The following MYO15B variants were observed in gnomAD, a reference collection of about 807,000 sequenced individuals.
MYO15B encodes myosin XVB pseudogene.
A neutral mutation model predicts 119.3 loss-of-function variants in MYO15B; 207 were observed. The ratio of observed to expected loss-of-function variants is 1.73; its 90% CI spans 1.55 to 1.95. The LOEUF (loss-of-function observed/expected upper bound fraction) is 1.95. Ranked by LOEUF, MYO15B falls within the 30% of genes most tolerant of loss-of-function variation. MYO15B has a pLI of 0.00. For synonymous variants in MYO15B, 966 were observed against 498.9 expected (o/e 1.94, Z -12.48); for missense variants, 2,264 against 1,203.1 (o/e 1.88, Z -13.04).
chr17:75,617,080 C>T lies in MYO15B; in HGVS notation c.6595-5C>T, dbSNP rs1656423458. ...AGCCCGTGTACTTTCTCCGTATCCC[C>T]CCAGATGCTGTCCCCCAGCCCAGGA... On this transcript the variant is annotated splice_polypyrimidine_tract_variant and splice_region_variant and intron_variant, in intron 40 of 63. Coordinates refer to ENST00000645453, the Ensembl canonical transcript of MYO15B. The T allele has an allele frequency of 1.5e-6, 1 of 682,282 alleles. No homozygotes were observed. Among genetic ancestry groups the T allele is most frequent in the Non-Finnish European group, 2.7e-6 (1 of 371,340 alleles). The allele number at this position is 682,282 out of a possible 1,614,324, so 42.3% of individuals were successfully genotyped here. A position where few individuals can be genotyped will look rare whatever the true frequency, so the allele number is the denominator to read the frequency against.
chr17:75,604,443 C>T (rs1222581405), intron 19 of MYO15B, among the ~76,000 whole-genome samples: 1 of 150,942 alleles, frequency 6.6e-6, no homozygotes, highest in Non-Finnish European at 1.5e-5. Context: ...AAATGTCCTT[C>T]AACACTCCCC....
chr17:75,623,631 T>C, intron 53 of MYO15B, 150 bp from the exon 54 acceptor site: 1 of 616,298 alleles, frequency 1.6e-6, no homozygotes, highest in South Asian at 1.9e-5. Context: ...GCGAAGAAAG[T>C]AACTGAGTAG....
chr17:75,611,790 CAG>C (rs771249160), intron 24 of MYO15B, 94 bp from the exon 25 acceptor site: 11 of 692,596 alleles, frequency 1.6e-5, no homozygotes, highest in Non-Finnish European at 2.4e-5. Flanking sequence ...TCCCTGTGGA[CAG>C]GGGCTGATGG....
chr17:75,602,292 AGTGGG>A, intron 15 of MYO15B: 2 of 668,186 alleles, frequency 3.0e-6, no homozygotes, highest in Non-Finnish European at 5.5e-6. Flanking sequence ...TTAAAGCCCC[AGTGGG>A]GAGAGTGTGG....
At chr17:75,623,675 T>C (rs2058835400) in intron 53 of MYO15B, 106 bp from the exon 54 acceptor site, 4 of 661,858 alleles carry the variant, frequency 6.0e-6, no homozygotes, top group Non-Finnish European at 1.1e-5. Context: ...GAGAGAGACA[T>C]CTTGAGCCAG....
At position 75,625,994 on chromosome 17, in the gene MYO15B, C is replaced by T; in HGVS notation, c.9072+17C>T. The T allele has an allele frequency of 1.4e-6, 1 of 700,648 alleles. No homozygotes were observed. The highest frequency in any genetic ancestry group is 1.5e-5 in the South Asian group (1 of 67,522). 43.4% of individuals were successfully genotyped at this position (700,648 alleles called of 1,614,324 possible). A position where few individuals can be genotyped will look rare whatever the true frequency, so the allele number is the denominator to read the frequency against. Reference sequence around the variant, plus strand: ...AGCTCCCAGGTGGGCACAGCTCTTGCCTCAGCACTGGCCTAGGGACCCTTG... The same window carrying T: ...AGCTCCCAGGTGGGCACAGCTCTTGTCTCAGCACTGGCCTAGGGACCCTTG... On this transcript the variant is annotated intron_variant, in intron 62 of 63. Coordinates refer to ENST00000645453, the Ensembl canonical transcript of MYO15B.
exon 34 of MYO15B, chr17:75,615,266 G>A: frequency 1.4e-6 from 1 of 702,692 alleles, no homozygotes; most frequent in Non-Finnish European, 2.6e-6. Context: ...TCAGATGCCT[G>A]CATACCAGCC....
intron 12 of MYO15B, among the ~76,000 whole-genome samples, chr17:75,595,671 G>T (rs544470986): frequency 6.6e-6 from 1 of 152,200 alleles, no homozygotes; most frequent in African/African-American, 2.4e-5. Flanking sequence ...CCTGTCCTCC[G>T]TGGCCTTGTA....
At position 75,594,596 on chromosome 17, in the gene MYO15B, C is replaced by A; in HGVS notation, c.3105+8C>A. 5 of 677,482 alleles carry A rather than the reference C, an allele frequency of 7.4e-6. No individual in the cohort carries two copies. The highest frequency in any genetic ancestry group is 1.1e-5 in the Non-Finnish European group (4 of 371,552). The allele number at this position is 677,482 out of a possible 1,614,324, so 42.0% of individuals were successfully genotyped here. Reference sequence around the variant, plus strand: ...GTCACCAGGAGGGTCACGGTGAGCCCGAGGGTCCTGGGGAGAGGGGCCTGG... The same window carrying A: ...GTCACCAGGAGGGTCACGGTGAGCCAGAGGGTCCTGGGGAGAGGGGCCTGG... On this transcript the variant is annotated splice_region_variant and intron_variant, in intron 10 of 63. Transcript: ENST00000645453.
Position 75,590,709 on chromosome 17 carries a change from C to T in MYO15B, c.2250+20C>T, listed in dbSNP as rs535167916. 3.3e-5 allele frequency: 6 copies of T among 184,156 alleles called. No individual in the cohort carries two copies. The highest frequency in any genetic ancestry group is 3.1e-4 in the East Asian group (2 of 6,430). 11.4% of individuals were successfully genotyped at this position (184,156 alleles called of 1,614,324 possible). On this transcript the variant is annotated intron_variant, in intron 2 of 63. Transcript: ENST00000645453. ...ATCTATGTATGGGGAGCCACGGGGACGGACAGTGGGCGGGGATCCCCTTTT... is the reference window on the plus strand; with the variant it reads ...ATCTATGTATGGGGAGCCACGGGGATGGACAGTGGGCGGGGATCCCCTTTT...
At chr17:75,596,877 A>G (rs796250979) in exon 14 of MYO15B, 4 of 702,488 alleles carry the variant, frequency 5.7e-6, no homozygotes, top group Non-Finnish European at 1.0e-5. Context: ...AGTATCCTGG[A>G]CGCCCAGACA....
At chr17:75,591,937 A>G (rs1027413040) in intron 5 of MYO15B, 40 bp from the exon 6 acceptor site, 3 of 695,690 alleles carry the variant, frequency 4.3e-6, no homozygotes, top group Non-Finnish European at 7.9e-6. Flanking sequence ...GGTGGGGGCT[A>G]CTGCTGCCCA....
intron 21 of MYO15B, among the ~76,000 whole-genome samples, chr17:75,607,427 A>T (rs1423615770): frequency 8.9e-6 from 1 of 112,142 alleles, no homozygotes; most frequent in African/African-American, 3.3e-5. Context: ...GAGGGTTAAT[A>T]ATTAATTATT....
chr17:75,614,073 G>C, intron 29 of MYO15B, 126 bp from the exon 30 acceptor site: 1 of 629,806 alleles, frequency 1.6e-6, no homozygotes, highest in Non-Finnish European at 2.9e-6. Flanking sequence ...GCAAACCTGG[G>C]TCCCGGACCA....
intron 19 of MYO15B, among the ~76,000 whole-genome samples, chr17:75,604,760 C>T (rs1453384514): frequency 2.0e-5 from 3 of 151,886 alleles, no homozygotes; most frequent in Non-Finnish European, 2.9e-5. Flanking sequence ...CCCAGCTGAG[C>T]GCCTGGCATA....
rs2147667190 is a variant in MYO15B, at chr17:75,589,013, A to C, written c.956A>C (p.Glu319Ala). The stretch of plus-strand genomic sequence containing the variant: ...GTGCCAGCGGCGGCAGGCGAGGGCG[A>C]AGCGGGAGCCGCAGCAGGAGCGGGG... The change falls in exon 1 of 64, where the codon GAA (glutamate) becomes GCA (alanine). Residue 319 changes from glutamate to alanine, a missense_variant. Coordinates refer to ENST00000645453, the Ensembl canonical transcript of MYO15B. The surrounding 1 kb of genome is among the most constrained non-coding windows in gnomAD (Gnocchi z 4.2). 2.5e-6 allele frequency: 1 copy of C among 397,722 alleles called. No homozygotes were observed. The highest frequency in any genetic ancestry group is 2.1e-5 in the African/African-American group (1 of 48,698). The allele number at this position is 397,722 out of a possible 1,614,324, so 24.6% of individuals were successfully genotyped here. A position where few individuals can be genotyped will look rare whatever the true frequency, so the allele number is the denominator to read the frequency against.
Position 75,592,411 on chromosome 17 carries a change from C to T in MYO15B, c.2716-17C>T, listed in dbSNP as rs1036043247. 1.0e-4 allele frequency: 66 copies of T among 645,846 alleles called. 1 individual carries two copies. The Middle Eastern group carries it at 1.0e-3, about 10-fold the overall frequency. 40.0% of individuals were successfully genotyped at this position (645,846 alleles called of 1,614,324 possible). On this transcript the variant is annotated splice_polypyrimidine_tract_variant and intron_variant, in intron 7 of 63. Coordinates refer to ENST00000645453, the Ensembl canonical transcript of MYO15B. ...GCCCCTAGGGCACTGAGCCCCTAAG[C>T]CAGTCCTGTCCCCAAGGCCCAGGCT...
chr17:75,603,515 C>G (rs1048470207), intron 19 of MYO15B, among the ~76,000 whole-genome samples: 1 of 152,252 alleles, frequency 6.6e-6, no homozygotes, highest in Non-Finnish European at 1.5e-5. Flanking sequence ...CATTCACCAT[C>G]CCTCCACGCA....
Position 75,623,663 on chromosome 17 carries a change from C to G in MYO15B, c.8083-118C>G, listed in dbSNP as rs2058834225. The G allele has an allele frequency of 4.6e-6, 3 of 652,054 alleles. No homozygotes were observed. The East Asian group carries it at 8.1e-5, about 18-fold the overall frequency. The allele number at this position is 652,054 out of a possible 1,614,324, so 40.4% of individuals were successfully genotyped here. A position where few individuals can be genotyped will look rare whatever the true frequency, so the allele number is the denominator to read the frequency against. On this transcript the variant is annotated intron_variant, in intron 53 of 63. Transcript: ENST00000645453. ...GTAGCCAGTGCAGTGATGTCTTAAG[C>G]TGAGAGAGACATCTTGAGCCAGCCC... is the stretch of plus-strand genomic sequence containing the variant.
Sources: gnomAD v4.1 joint callset for allele counts (sites outside exome capture counted in the v4.1 genomes callset) on GRCh38, gnomAD v4.1.1 for gene constraint, Gnocchi (gnomAD v3.1) non-coding constraint, MANE v1.5 for transcripts, NCBI Gene and HGNC (gene_info 2026-07-23, HGNC 2026-07-21) for gene names.